TENM4: variants seen among roughly 807,000 people sequenced by gnomAD.
The protein encoded by TENM4 is teneurin-4.
TENM4 carries 82 observed loss-of-function variants against 243.3 expected under a neutral mutation model. The ratio of observed to expected loss-of-function variants is 0.34; its 90% CI spans 0.28 to 0.40. The LOEUF (loss-of-function observed/expected upper bound fraction) is 0.40. TENM4 is among the 10% of genes least tolerant of loss of function. The probability of loss-of-function intolerance (pLI) is 1.00; values close to 1 mark genes in which losing one functional copy is unlikely to be tolerated. For synonymous variants in TENM4, 1,412 were observed against 1,456.3 expected, an observed-to-expected ratio of 0.97 and a Z score of 0.69; for missense variants, 3,138 against 3,673.3, an observed-to-expected ratio of 0.85 and a Z score of 3.77.
intron 7 of TENM4, among the ~76,000 whole-genome samples, chr11:78,895,005 A>AAAAAAAAG (rs1555098074): frequency 8.5e-6 from 1 of 118,016 alleles, no homozygotes; most frequent in Non-Finnish European, 1.7e-5. Context: ...AAAAAAAAAA[A>AAAAAAAAG]AAGAAGACAA....
chr11:79,427,829 AAGCCTGG>A (rs1369371499), intron 1 of TENM4, among the ~76,000 whole-genome samples: 1 of 152,204 alleles, frequency 6.6e-6, no homozygotes, highest in Non-Finnish European at 1.5e-5. Flanking sequence ...GATATAAAAG[AAGCCTGG>A]AGAGTATAAC....
chr11:79,169,943 T>G (rs1380204056), intron 3 of TENM4, among the ~76,000 whole-genome samples: 2 of 152,170 alleles, frequency 1.3e-5, no homozygotes, highest in African/African-American at 4.8e-5. Context: ...GGAAAAAATG[T>G]TAGTTTGTTC....
At chr11:78,984,341 G>C (rs950695981) in intron 6 of TENM4, among the ~76,000 whole-genome samples, 3 of 152,144 alleles carry the variant, frequency 2.0e-5, no homozygotes, top group Non-Finnish European at 4.4e-5. Context: ...TCTCTGAAGG[G>C]CTAGATACCC....
chr11:79,398,469 C>T (rs1858391213), intron 1 of TENM4, among the ~76,000 whole-genome samples: 1 of 152,132 alleles, frequency 6.6e-6, no homozygotes, highest in African/African-American at 2.4e-5. Flanking sequence ...CCTCTCTATG[C>T]TTTGGTTTTC....
chr11:78,670,549 G>A lies in TENM4; in HGVS notation c.5796C>T (p.Ser1932=), dbSNP rs749620624. The change falls in exon 32 of 34, where the codon TCC becomes TCT. Residue 1932 remains serine (S), a splice_region_variant and synonymous_variant. Coordinates refer to ENST00000278550, the MANE Select transcript of TENM4 (RefSeq NM_001098816.3). The part of the protein sequence containing the change: ...KTWSYTYLEK[S]MVLLLHSQRQ... ...TCTGGCTGTGTAGTAGCAGCACCATGGACTGGAGGGAGAGGAAAACCAAGA... is the reference window on the plus strand; with the variant it reads ...TCTGGCTGTGTAGTAGCAGCACCATAGACTGGAGGGAGAGGAAAACCAAGA... The A allele has an allele frequency of 6.9e-6, 11 of 1,597,326 alleles. No individual in the cohort carries two copies. The East Asian group carries it at 2.0e-4, about 29-fold the overall frequency.
chr11:79,042,208 T>C (rs1158240289), intron 6 of TENM4, among the ~76,000 whole-genome samples: 1 of 152,158 alleles, frequency 6.6e-6, no homozygotes, highest in Non-Finnish European at 1.5e-5. Context: ...GACACCTGGA[T>C]TTAGAGGTTC....
intron 1 of TENM4, among the ~76,000 whole-genome samples, chr11:79,315,327 C>T (rs1479539234): frequency 2.6e-5 from 4 of 152,158 alleles, no homozygotes; most frequent in African/African-American, 9.7e-5. Flanking sequence ...CAGAGGTTCA[C>T]CGCTCAAGAC....
chr11:79,390,164 G>A (rs1413653902), intron 1 of TENM4, among the ~76,000 whole-genome samples: 3 of 152,192 alleles, frequency 2.0e-5, no homozygotes, highest in African/African-American at 7.2e-5. Flanking sequence ...AAAGGAAGAG[G>A]AAATAGTGCA....
At chr11:78,876,946 T>C (rs1358213821) in intron 9 of TENM4, among the ~76,000 whole-genome samples, 2 of 152,202 alleles carry the variant, frequency 1.3e-5, no homozygotes, top group Admixed American at 6.5e-5. Flanking sequence ...ACACCTACTA[T>C]GGGTCATCCA....
chr11:79,227,665 G>A (rs547151360), intron 2 of TENM4, among the ~76,000 whole-genome samples: 10 of 152,280 alleles, frequency 6.6e-5, no homozygotes, highest in South Asian at 2.1e-4. Context: ...TCTTTCCCCC[G>A]TAGGTCCAGT....
intron 1 of TENM4, among the ~76,000 whole-genome samples, chr11:79,399,900 G>A (rs917208389): frequency 6.6e-6 from 1 of 152,060 alleles, no homozygotes; most frequent in African/African-American, 2.4e-5. Flanking sequence ...GCCCAGCAGA[G>A]TTGGCTGGCA....
chr11:79,049,847 A>G (rs1024192178), intron 6 of TENM4, among the ~76,000 whole-genome samples: 3 of 152,216 alleles, frequency 2.0e-5, no homozygotes, highest in Admixed American at 6.5e-5. Flanking sequence ...GTAGGAACAG[A>G]GCACTTCCCG....
chr11:79,193,555 G>A (rs1265269687), intron 3 of TENM4, among the ~76,000 whole-genome samples: 1 of 152,082 alleles, frequency 6.6e-6, no homozygotes, highest in Non-Finnish European at 1.5e-5. Context: ...TCCTTCACCT[G>A]CTGAGTGACG....
At chr11:78,902,544 T>C (rs1224931716) in intron 7 of TENM4, among the ~76,000 whole-genome samples, 2 of 152,212 alleles carry the variant, frequency 1.3e-5, no homozygotes, top group African/African-American at 4.8e-5. Flanking sequence ...GTTTCAGCTG[T>C]GCCTCAGTCG....
At chr11:78,685,613 T>C (rs929548361) in intron 29 of TENM4, among the ~76,000 whole-genome samples, 1 of 152,246 alleles carries the variant, frequency 6.6e-6, no homozygotes, top group Non-Finnish European at 1.5e-5. Flanking sequence ...CTGAGGAATG[T>C]GGCACTTTCA....
intron 2 of TENM4, among the ~76,000 whole-genome samples, chr11:79,228,628 A>AGAG (rs1022490302): frequency 6.6e-6 from 1 of 151,886 alleles, no homozygotes; most frequent in Non-Finnish European, 1.5e-5. Flanking sequence ...TGGAAAACAA[A>AGAG]GAGTCCTTTC....
chr11:79,390,269 C>A (rs936336140), intron 1 of TENM4, among the ~76,000 whole-genome samples: 1 of 152,196 alleles, frequency 6.6e-6, no homozygotes, highest in Non-Finnish European at 1.5e-5. Flanking sequence ...GCCACCAGCA[C>A]CATCCCTTCC....
At chr11:79,248,914 C>A (rs1590824903) in intron 2 of TENM4, among the ~76,000 whole-genome samples, 1 of 152,106 alleles carries the variant, frequency 6.6e-6, no homozygotes, top group East Asian at 1.9e-4. Context: ...ACACTGGTTA[C>A]CAGGTTTCTA....
intron 6 of TENM4, among the ~76,000 whole-genome samples, chr11:79,060,548 C>T (rs572151481): frequency 6.6e-6 from 1 of 152,288 alleles, no homozygotes; most frequent in Non-Finnish European, 1.5e-5. Flanking sequence ...GGGGGTTATG[C>T]TTCACATTTT....
Sources: gnomAD v4.1 joint callset for allele counts (sites outside exome capture counted in the v4.1 genomes callset) on GRCh38, gnomAD v4.1.1 for gene constraint, MANE v1.5 for transcripts, NCBI Gene and HGNC (gene_info 2026-07-23, HGNC 2026-07-21) for gene names.